Variants in HTR4 observed in about 807,000 individuals in gnomAD.
The protein encoded by HTR4 is 5-hydroxytryptamine (serotonin) receptor 4, G protein-coupled.
A neutral mutation model predicts 36.8 loss-of-function variants in HTR4; 16 were observed. That is an observed-to-expected ratio of 0.43 (90% CI 0.29 to 0.66). The LOEUF is 0.66. Ranked by LOEUF, HTR4 falls within the 30% of genes least tolerant of loss-of-function variation. HTR4 has a pLI of 0.13. For synonymous variants in HTR4, 189 were observed against 185.1 expected (o/e 1.02, Z -0.17); for missense variants, 438 against 490.9 (o/e 0.89, Z 1.02).
intron 4 of HTR4, among the ~76,000 whole-genome samples, chr5:148,530,532 T>C (rs1182423648): frequency 6.6e-6 from 1 of 152,074 alleles, no homozygotes; most frequent in East Asian, 1.9e-4. Flanking sequence ...TTACAGAGGA[T>C]GTATGGAAAT....
At chr5:148,530,346 G>T (rs890260194) in intron 4 of HTR4, among the ~76,000 whole-genome samples, 5 of 152,124 alleles carry the variant, frequency 3.3e-5, no homozygotes, top group South Asian at 4.1e-4. Context: ...CAGACCCAGG[G>T]TCCCTGTACT....
At chr5:148,534,303 C>T (rs1332267249) in intron 4 of HTR4, among the ~76,000 whole-genome samples, 3 of 152,234 alleles carry the variant, frequency 2.0e-5, no homozygotes, top group Non-Finnish European at 4.4e-5. Context: ...CTGTTTTGCA[C>T]TTTTCACTCT....
chr5:148,645,029 G>A (rs766661817), intron 1 of HTR4: 58 of 152,072 alleles, frequency 3.8e-4, no homozygotes, highest in African/African-American at 1.3e-3. Flanking sequence ...ACTGGTTTTC[G>A]CTTTCATTTT....
intron 2 of HTR4, among the ~76,000 whole-genome samples, chr5:148,581,485 C>T (rs1158426486): frequency 6.6e-6 from 1 of 152,034 alleles, no homozygotes; most frequent in East Asian, 1.9e-4. Flanking sequence ...ATCTTATGTT[C>T]AAATCTGTAA....
At chr5:148,604,525 T>A (rs1052847265) in intron 2 of HTR4, among the ~76,000 whole-genome samples, 11 of 152,132 alleles carry the variant, frequency 7.2e-5, no homozygotes, top group Non-Finnish European at 1.3e-4. Flanking sequence ...TAGAAATGGG[T>A]ACACATATGC....
At chr5:148,481,517 CT>C, downstream of HTR4, 1 of 1,490,432 alleles carries the variant, frequency 6.7e-7, no homozygotes, top group Non-Finnish European at 8.9e-7. Flanking sequence ...AGAATTAAGT[CT>C]TCATAGGACA....
At chr5:148,624,290 G>T (rs932639546) in intron 2 of HTR4, among the ~76,000 whole-genome samples, 2 of 152,130 alleles carry the variant, frequency 1.3e-5, no homozygotes, top group Non-Finnish European at 2.9e-5. Context: ...AGGTTTGGCT[G>T]GTTGGTTCCA....
At chr5:148,458,298 T>C (rs1755173837) in intron 5 of HTR4, among the ~76,000 whole-genome samples, 1 of 151,756 alleles carries the variant, frequency 6.6e-6, no homozygotes, top group African/African-American at 2.4e-5. Flanking sequence ...AGTTGGTATT[T>C]TTTCCATGAA....
At chr5:148,462,137 A>T (rs1044937704) in intron 5 of HTR4, among the ~76,000 whole-genome samples, 2 of 152,034 alleles carry the variant, frequency 1.3e-5, no homozygotes, top group African/African-American at 4.8e-5. Context: ...AACTAAATTC[A>T]AAGTAAGTAG....
Position 148,543,824 on chromosome 5 carries a change from C to A in HTR4, c.353+4844G>T, listed in dbSNP as rs1412666315. On this transcript the variant is annotated intron_variant, in intron 4 of 6. Transcript: ENST00000377888. ...AACCAAGACCAATGTAGGAGTGATGCACCCCGTAAGAGATGGTGAGGGCTC... is the reference window on the plus strand; with the variant it reads ...AACCAAGACCAATGTAGGAGTGATGAACCCCGTAAGAGATGGTGAGGGCTC... 3.3e-5 allele frequency among the ~76,000 whole-genome samples: 5 copies of A among 152,086 alleles called. No individual in the cohort carries two copies. In the East Asian group the frequency reaches 9.7e-4, roughly 29 times the overall value.
intron 4 of HTR4, among the ~76,000 whole-genome samples, chr5:148,527,716 T>C (rs1758351809): frequency 6.6e-6 from 1 of 152,144 alleles, no homozygotes; most frequent in Non-Finnish European, 1.5e-5. Context: ...CCAGGCTCAA[T>C]TGATTCAGCT....
At chr5:148,465,992 G>GA (rs373622833) in intron 5 of HTR4, 17,667 of 1,337,628 alleles carry the variant, frequency 0.013, no homozygotes, top group South Asian at 0.021. Context: ...AAAGAAAAAA[G>GA]AAAAAAAAAA....
intron 6 of HTR4, among the ~76,000 whole-genome samples, chr5:148,486,999 A>G (rs1381537314): frequency 6.6e-6 from 1 of 152,254 alleles, no homozygotes; most frequent in Non-Finnish European, 1.5e-5. Flanking sequence ...ATCATTTAAA[A>G]AGAATCTTTC....
At chr5:148,565,594 T>TG (rs11405341) in intron 2 of HTR4, among the ~76,000 whole-genome samples, 151,377 of 152,202 alleles carry the variant, frequency 0.99, 75,278 homozygotes, top group East Asian at 1. Context: ...AGTATCTTGA[T>TG]GGGCATAAGG....
In HTR4 at chr5:148,594,351, C is replaced by CGTGTGT. The variant is rs59165561; in HGVS notation, c.26+42632_26+42637dup. ...CTCATAATTTTACAATTCTGGGTTT[C>CGTGTGT]GTGTGTGTGTGTGTGTGTGTGTGTG... On this transcript the variant is annotated intron_variant, in intron 2 of 6. Transcript: ENST00000377888. Among the ~76,000 whole-genome samples the CGTGTGT allele has an allele frequency of 2.8e-3, 422 of 148,676 alleles. 3 individuals are homozygous for CGTGTGT. The highest frequency in any genetic ancestry group is 0.01 in the Middle Eastern group (3 of 292).
chr5:148,482,871 CGTG>C lies in HTR4; in HGVS notation c.*329_*331del. ...ACCGAGATAGGACGCAGCAAGCTAT[CGTG>C]CTTAGAACGTGAGTGAGACAGATCA... is the stretch of plus-strand genomic sequence containing the variant. On this transcript the variant is annotated 3_prime_UTR_variant, in exon 7 of 7. Coordinates refer to ENST00000377888, the MANE Select transcript of HTR4 (RefSeq NM_000870.7). 1 of 1,182,290 alleles carries C rather than the reference CGTG, an allele frequency of 8.5e-7. No homozygotes were observed. Among genetic ancestry groups the C allele is most frequent in the South Asian group, 2.4e-5 (1 of 42,046 alleles). 73.2% of individuals were successfully genotyped at this position (1,182,290 alleles called of 1,614,324 possible).
intron 2 of HTR4, among the ~76,000 whole-genome samples, chr5:148,609,015 T>G (rs1752295846): frequency 6.6e-6 from 1 of 152,178 alleles, no homozygotes; most frequent in Non-Finnish European, 1.5e-5. Context: ...TTCATCTCAC[T>G]TAGGATCCTT....
chr5:148,609,546 T>G (rs1306432742), intron 2 of HTR4, among the ~76,000 whole-genome samples: 1 of 152,012 alleles, frequency 6.6e-6, no homozygotes, highest in Non-Finnish European at 1.5e-5. Flanking sequence ...GCCCCACTTT[T>G]GTATAATGTG....
chr5:148,455,235 C>G (rs964779474), intron 5 of HTR4, among the ~76,000 whole-genome samples: 1 of 152,098 alleles, frequency 6.6e-6, no homozygotes. Flanking sequence ...GCATGGTGCC[C>G]GTACCCTTAA....
Sources: gnomAD v4.1 joint callset for allele counts (sites outside exome capture counted in the v4.1 genomes callset) on GRCh38, gnomAD v4.1.1 for gene constraint, MANE v1.5 for transcripts, NCBI Gene and HGNC (gene_info 2026-07-23, HGNC 2026-07-21) for gene names.